PARP10: variants seen among roughly 807,000 people sequenced by gnomAD.
The protein encoded by PARP10 is protein mono-ADP-ribosyltransferase PARP10.
In PARP10, 56 loss-of-function variants were observed where a neutral mutation model predicts 82.4. The ratio of observed to expected loss-of-function variants is 0.68; its 90% CI spans 0.55 to 0.85. PARP10 has a LOEUF of 0.85. Ranked by LOEUF, PARP10 falls within the 40% of genes least tolerant of loss-of-function variation. The pLI is 0.00. For synonymous variants in PARP10, 576 were observed against 601.1 expected (o/e 0.96, Z 0.61); for missense variants, 1,227 against 1,379.4 (o/e 0.89, Z 1.75).
chr8:143,992,083 C>G, upstream of PARP10: 1 of 1,612,844 alleles, frequency 6.2e-7, no homozygotes, highest in Non-Finnish European at 8.5e-7. Context: ...GCACTGGTAA[C>G]CCCCAAACCT....
upstream of PARP10, chr8:143,991,201 GGCGGACC>G: frequency 7.8e-6 from 12 of 1,536,208 alleles, no homozygotes; most frequent in Non-Finnish European, 1.1e-5. Context: ...CTTCTCTAGG[GGCGGACC>G]GCGGAACCCG....
At chr8:144,007,509 G>A (rs1225337836) in intron 1 of PARP10, among the ~76,000 whole-genome samples, 1 of 152,202 alleles carries the variant, frequency 6.6e-6, no homozygotes, top group South Asian at 2.1e-4. Context: ...AAGGAAAAAG[G>A]TTGAATAAAA....
upstream of PARP10, among the ~76,000 whole-genome samples, chr8:143,994,018 C>T (rs1834142138): frequency 6.6e-6 from 1 of 152,232 alleles, no homozygotes; most frequent in Non-Finnish European, 1.5e-5. Context: ...GCTGCTCCTG[C>T]AGGGGGTCCC....
rs557629803 is a variant in PARP10 at position 144,007,279 on chromosome 8, A to C, written c.-80+5251T>G. Among the ~76,000 whole-genome samples the C allele has an allele frequency of 1.8e-4, 27 of 152,292 alleles. No homozygotes were observed. In the South Asian group the frequency reaches 5.2e-3, roughly 29 times the overall value. On this transcript the variant is annotated intron_variant, in intron 1 of 3. Coordinates refer to the PARP10 transcript ENST00000530478. ...ACTTTCCTCTGAGGCCACTCTTCCCAGCTCCTGGTTGGCAGGGCCCTGGGT... is the reference window on the plus strand; with the variant it reads ...ACTTTCCTCTGAGGCCACTCTTCCCCGCTCCTGGTTGGCAGGGCCCTGGGT...
Position 144,011,042 on chromosome 8 carries a change from ATAGACGTGATTAATAGCTACAAG to A in PARP10, c.-80+1465_-80+1487del, listed in dbSNP as rs1233696630. Among the ~76,000 whole-genome samples the A allele has an allele frequency of 6.6e-6, 1 of 151,894 alleles. No individual in the cohort carries two copies. The highest frequency in any genetic ancestry group is 2.4e-5 in the African/African-American group (1 of 41,360). On this transcript the variant is annotated intron_variant, in intron 1 of 3. Transcript: ENST00000530478. This position sits in a 1 kb window ranked among gnomAD's most constrained non-coding sequence, Gnocchi z 4.5. ...ATTAATCACGTCTATTAGACGTCTAATAGACGTGATTAATAGCTACAAGTATATAATAGCTTCACAGCACTATC... is the reference window on the plus strand; with the variant it reads ...ATTAATCACGTCTATTAGACGTCTAATATATAATAGCTTCACAGCACTATC...
upstream of PARP10, chr8:143,991,781 A>G (rs782014309): frequency 4.3e-5 from 69 of 1,613,494 alleles, no homozygotes; most frequent in Non-Finnish European, 5.7e-5. Context: ...TGACAAGAGC[A>G]TCCGACAGGC....
At chr8:144,012,338 G>A (rs1188385555) in intron 1 of PARP10, 5 of 613,570 alleles carry the variant, frequency 8.1e-6, no homozygotes, top group African/African-American at 1.8e-5. Context: ...AGCTGAGGGT[G>A]TTAGAGCAGA....
chr8:143,991,709 T>G, upstream of PARP10: 2 of 1,613,194 alleles, frequency 1.2e-6, no homozygotes, highest in Non-Finnish European at 1.7e-6. Context: ...GCATGGAAAC[T>G]ACCAGGAGGA....
intron 9 of PARP10, among the ~76,000 whole-genome samples, chr8:143,981,355 A>G (rs62530286): frequency 0.21 from 15,008 of 71,534 alleles, 1,421 homozygotes; most frequent in East Asian, 0.45. Flanking sequence ...GGTGATGGTG[A>G]TGATGGTGGT....
At chr8:144,004,433 C>G (rs1214042754) in intron 1 of PARP10, among the ~76,000 whole-genome samples, 1 of 152,154 alleles carries the variant, frequency 6.6e-6, no homozygotes, top group African/African-American at 2.4e-5. Flanking sequence ...CAGTGCCTAC[C>G]AGATGTCCTC....
At chr8:144,003,754 A>G (rs1417411781) in intron 1 of PARP10, among the ~76,000 whole-genome samples, 2 of 152,102 alleles carry the variant, frequency 1.3e-5, no homozygotes, top group African/African-American at 4.8e-5. Context: ...GGGCCGGCGC[A>G]GTGGCTCACA....
chr8:143,984,626 T>C lies in PARP10; in HGVS notation c.1376A>G (p.Gln459Arg). The C allele has an allele frequency of 6.2e-7, 1 of 1,614,054 alleles. No homozygotes were observed. Among genetic ancestry groups the C allele is most frequent in the Non-Finnish European group, 8.5e-7 (1 of 1,179,972 alleles). Residue 459 changes from glutamine to arginine, a missense_variant, in exon 5 of 11, where the codon CAG (glutamine) becomes CGG (arginine). Gln to Arg is a conservative substitution (Grantham distance 43). Coordinates refer to ENST00000313028, the MANE Select transcript of PARP10 (RefSeq NM_032789.5). ...CGCAAGAAGGTCCTCATGGTAGAGC[T>C]GCAGGAAGCGCATCGCCCCTGGCTC... Reference protein sequence around the residue: ...LMEPGAMRFLQLYHEDLLAGL... With the variant: ...LMEPGAMRFLRLYHEDLLAGL...
chr8:143,987,872 T>C (rs1189733750), upstream of PARP10, among the ~76,000 whole-genome samples: 4 of 151,304 alleles, frequency 2.6e-5, no homozygotes, highest in Non-Finnish European at 4.4e-5. Flanking sequence ...ACCAAGGTGA[T>C]AGAGTGAGAC....
chr8:143,991,151 C>G (rs1288756142), upstream of PARP10: 4 of 1,049,424 alleles, frequency 3.8e-6, no homozygotes, highest in Non-Finnish European at 5.5e-6. Context: ...TGGGTCCCGA[C>G]GCTGTCGTCA....
At chr8:143,996,386 C>T (rs1834165219) in intron 1 of PARP10, among the ~76,000 whole-genome samples, 1 of 152,242 alleles carries the variant, frequency 6.6e-6, no homozygotes, top group Non-Finnish European at 1.5e-5. Context: ...CAAAGCAACG[C>T]TGTCAATCAA....
At chr8:143,993,076 A>T, upstream of PARP10, 1 of 529,174 alleles carries the variant, frequency 1.9e-6, no homozygotes, top group Non-Finnish European at 3.4e-6. Context: ...CACCAAGGCC[A>T]CGTTTCCGTG....
In PARP10 at chr8:143,984,634, G is replaced by A; in HGVS notation, c.1368C>T (p.Arg456=). Residue 456 remains arginine (R), a synonymous_variant, in exon 5 of 11, where the codon CGC becomes CGT. Coordinates refer to ENST00000313028, the MANE Select transcript of PARP10 (RefSeq NM_032789.5). ...MVLLMEPGAM[R]FLQLYHEDLL... ...GGTCCTCATGGTAGAGCTGCAGGAA[G>A]CGCATCGCCCCTGGCTCCATCAATA... is the stretch of plus-strand genomic sequence containing the variant. 6.2e-7 allele frequency: 1 copy of A among 1,614,064 alleles called. No individual in the cohort carries two copies. Among genetic ancestry groups the A allele is most frequent in the Non-Finnish European group, 8.5e-7 (1 of 1,179,980 alleles).
chr8:144,004,466 G>A (rs1341635108), intron 1 of PARP10, among the ~76,000 whole-genome samples: 2 of 152,178 alleles, frequency 1.3e-5, no homozygotes, highest in East Asian at 1.9e-4. Context: ...CAAACTGAGT[G>A]TAGGTGTCAT....
rs1452141537 is a variant in PARP10, at chr8:144,008,895, T to A, written c.-80+3635A>T. ...AAAGAAAATGCGAATGAAGAGGAAA[T>A]AAAAGTAGGGGGAGGAGAGGAAGCC... On this transcript the variant is annotated intron_variant, in intron 1 of 3. Transcript: ENST00000530478. The surrounding 1 kb of genome is among the most constrained non-coding windows in gnomAD (Gnocchi z 4.0). Among the ~76,000 whole-genome samples the A allele has an allele frequency of 6.6e-6, 1 of 151,682 alleles. No individual in the cohort carries two copies. The highest frequency in any genetic ancestry group is 2.4e-5 in the African/African-American group (1 of 41,218).
Sources: allele counts gnomAD v4.1 joint callset (sites outside exome capture counted in the v4.1 genomes callset), GRCh38; gene constraint gnomAD v4.1.1; non-coding constraint Gnocchi (gnomAD v3.1); transcripts MANE v1.5; gene names NCBI Gene and HGNC (gene_info 2026-07-23, HGNC 2026-07-21).